Variants in SLCO1B3 observed in about 807,000 individuals in gnomAD.
SLCO1B3 encodes the protein liver-specific organic anion transporter 2.
SLCO1B3 carries 72 observed loss-of-function variants against 71.8 expected under a neutral mutation model. That is an observed-to-expected ratio of 1.00 (90% confidence interval 0.83 to 1.22). SLCO1B3 has a LOEUF of 1.22. Ranked by LOEUF, SLCO1B3 falls within the 50% of genes most tolerant of loss-of-function variation. The pLI, the probability that SLCO1B3 is intolerant of heterozygous loss-of-function variation, is 0.00. For synonymous variants in SLCO1B3, 298 were observed against 278.4 expected (o/e 1.07, Z -0.70); for missense variants, 911 against 819.7 (o/e 1.11, Z -1.36).
chr12:20,813,804 G>A (rs556148579), intron 2 of SLCO1B3, among the ~76,000 whole-genome samples, 166 bp downstream of exon 2: 1 of 152,284 alleles, frequency 6.6e-6, no homozygotes, highest in East Asian at 1.9e-4. Context: ...AAGCCACACA[G>A]TCACCTAACA....
At chr12:20,874,106 C>G (rs1252574662) in intron 8 of SLCO1B3, among the ~76,000 whole-genome samples, 2 of 152,088 alleles carry the variant, frequency 1.3e-5, no homozygotes, top group Non-Finnish European at 2.9e-5. Context: ...ATTTATATTC[C>G]TTTGGGTATA....
chr12:20,816,917 A>G (rs1864204494), intron 3 of SLCO1B3, among the ~76,000 whole-genome samples: 1 of 152,200 alleles, frequency 6.6e-6, no homozygotes, highest in Admixed American at 6.5e-5. Context: ...ATAGCATCTC[A>G]TTGTAGTATT....
In SLCO1B3 at chr12:20,878,358, T is replaced by C. The variant is rs532588608; in HGVS notation, c.1135+422T>C. On this transcript the variant is annotated intron_variant, in intron 10 of 15. Transcript: ENST00000381545. ...TACAAAAGACATAATATTAATCTTT[T>C]CAGAAGGAGAATCAATTTAAATACA... 1.2e-4 allele frequency among the ~76,000 whole-genome samples: 19 copies of C among 152,242 alleles called. No homozygotes were observed. The South Asian group carries it at 3.7e-3, about 30-fold the overall frequency.
At chr12:20,820,423 C>G (rs370929281) in intron 3 of SLCO1B3, among the ~76,000 whole-genome samples, 1 of 152,080 alleles carries the variant, frequency 6.6e-6, no homozygotes, top group Non-Finnish European at 1.5e-5. Context: ...TCCTGGGCTG[C>G]GGGCATTACT....
intron 3 of SLCO1B3, among the ~76,000 whole-genome samples, chr12:20,845,853 G>T (rs1864907866): frequency 6.6e-6 from 1 of 152,084 alleles, no homozygotes; most frequent in Non-Finnish European, 1.5e-5. Context: ...GCTGTCTACT[G>T]ATTTCTTAGG....
chr12:20,860,677 A>C (rs1865243944), intron 5 of SLCO1B3, among the ~76,000 whole-genome samples: 1 of 150,870 alleles, frequency 6.6e-6, no homozygotes, highest in Non-Finnish European at 1.5e-5. Flanking sequence ...CTTTGATGGT[A>C]ACTCAAAGGG....
At chr12:20,874,803 G>A (rs1392496809) in intron 8 of SLCO1B3, among the ~76,000 whole-genome samples, 1 of 152,128 alleles carries the variant, frequency 6.6e-6, no homozygotes, top group Non-Finnish European at 1.5e-5. Context: ...TTGTCTCTAA[G>A]TATTTTTTGC....
chr12:20,885,441 G>A (rs1452127913), intron 13 of SLCO1B3, among the ~76,000 whole-genome samples: 3 of 151,934 alleles, frequency 2.0e-5, no homozygotes. Flanking sequence ...ACAGGGAGTG[G>A]ATATATATAG....
intron 15 of SLCO1B3, among the ~76,000 whole-genome samples, chr12:20,903,073 C>CAAAAAAAAAA (rs55777703): frequency 3.9e-5 from 5 of 128,488 alleles, no homozygotes; most frequent in Admixed American, 8.0e-5. Context: ...GATTCCATCT[C>CAAAAAAAAAA]AAAAAAAAAA....
intron 3 of SLCO1B3, among the ~76,000 whole-genome samples, chr12:20,821,093 A>G (rs1230214871): frequency 1.3e-5 from 2 of 152,090 alleles, no homozygotes; most frequent in East Asian, 3.9e-4. Context: ...GGAAGATTAG[A>G]AAGACTCAGC....
intron 11 of SLCO1B3, among the ~76,000 whole-genome samples, chr12:20,880,637 A>G (rs1291204869): frequency 1.3e-5 from 2 of 152,136 alleles, no homozygotes; most frequent in Non-Finnish European, 2.9e-5. Context: ...AAGGAGAGTT[A>G]AAAGTCAATA....
In SLCO1B3 at chr12:20,866,283, TAAAACA is replaced by T. The variant is rs558425551; in HGVS notation, c.727+3441_727+3446del. On this transcript the variant is annotated intron_variant, in intron 8 of 15. Coordinates refer to ENST00000381545, the MANE Select transcript of SLCO1B3 (RefSeq NM_019844.4). ...AATGCATCCAGTACAAGGACCATTG[TAAAACA>T]AAAACAAAAACCCACACACAGAAAA... Among the ~76,000 whole-genome samples, 126 of 152,188 alleles carry T rather than the reference TAAAACA, an allele frequency of 8.3e-4. 1 individual carries two copies. The South Asian group carries it at 0.024, about 30-fold the overall frequency.
chr12:20,829,815 T>C (rs1455114304), intron 3 of SLCO1B3, among the ~76,000 whole-genome samples: 1 of 152,182 alleles, frequency 6.6e-6, no homozygotes, highest in African/African-American at 2.4e-5. Context: ...TATTCATGCC[T>C]CCCCTTTGTA....
intron 14 of SLCO1B3, 52 bp downstream of exon 14, chr12:20,898,552 A>G: frequency 1.1e-6 from 1 of 888,306 alleles, no homozygotes; most frequent in South Asian, 1.7e-5. Context: ...TTAATGTTAA[A>G]TACTAAAGAC....
Position 20,892,430 on chromosome 12 carries a change from C to T in SLCO1B3, c.1683-6006C>T, listed in dbSNP as rs531316885. 1.5e-4 allele frequency among the ~76,000 whole-genome samples: 23 copies of T among 152,028 alleles called. No homozygotes were observed. The East Asian group carries it at 3.9e-3, about 26-fold the overall frequency. On this transcript the variant is annotated intron_variant, in intron 13 of 15. Transcript: ENST00000381545. The stretch of plus-strand genomic sequence containing the variant: ...ACTTCTGTTTATGTTCAATGCTAGA[C>T]GTAATAGCATGCTTACATACTGATG...
chr12:20,874,216 G>A (rs1171193949), intron 8 of SLCO1B3, among the ~76,000 whole-genome samples: 3 of 151,962 alleles, frequency 2.0e-5, no homozygotes, highest in Admixed American at 2.0e-4. Flanking sequence ...TCACACATTC[G>A]CTCTGTGTTA....
At chr12:20,862,096 G>A (rs1865278081) in intron 6 of SLCO1B3, among the ~76,000 whole-genome samples, 1 of 152,066 alleles carries the variant, frequency 6.6e-6, no homozygotes, top group Non-Finnish European at 1.5e-5. Flanking sequence ...AATTGTATAT[G>A]CACCTTAAAA....
intron 2 of SLCO1B3, among the ~76,000 whole-genome samples, chr12:20,814,973 T>C (rs564837265): frequency 5.0e-3 from 247 of 49,624 alleles, no homozygotes; most frequent in African/African-American, 8.3e-3. Context: ...TGCCTTTTCT[T>C]TTCTTTTCTT....
intron 13 of SLCO1B3, among the ~76,000 whole-genome samples, chr12:20,888,627 T>C (rs1565603346): frequency 6.6e-6 from 1 of 152,050 alleles, no homozygotes; most frequent in Non-Finnish European, 1.5e-5. Flanking sequence ...GATTATATCA[T>C]AAGTGAAGAG....
Sources: gnomAD v4.1 joint callset for allele counts (sites outside exome capture counted in the v4.1 genomes callset) on GRCh38, gnomAD v4.1.1 for gene constraint, MANE v1.5 for transcripts, NCBI Gene and HGNC (gene_info 2026-07-23, HGNC 2026-07-21) for gene names.